ADAMTS9: variants seen among roughly 807,000 people sequenced by gnomAD.
ADAMTS9 encodes A disintegrin and metalloproteinase with thrombospondin motifs 9.
In ADAMTS9, 107 loss-of-function variants were observed where a neutral mutation model predicts 257.1. That is an observed-to-expected ratio of 0.42 (90% CI 0.36 to 0.49). The LOEUF (loss-of-function observed/expected upper bound fraction) is 0.49, where lower values mean the gene tolerates loss of function less well. ADAMTS9 is among the 20% of genes least tolerant of loss of function. The pLI is 0.03. For synonymous variants in ADAMTS9, 982 were observed against 880.9 expected, an observed-to-expected ratio of 1.11 and a Z score of -2.03; for missense variants, 2,353 against 2,469.1, an observed-to-expected ratio of 0.95 and a Z score of 1.00.
At chr3:64,648,947 C>A (rs992029309) in intron 10 of ADAMTS9, among the ~76,000 whole-genome samples, 1 of 152,202 alleles carries the variant, frequency 6.6e-6, no homozygotes, top group South Asian at 2.1e-4. Flanking sequence ...TACTATTGTA[C>A]TTCTCAATTC....
chr3:64,648,340 A>G (rs1034842997), intron 10 of ADAMTS9, among the ~76,000 whole-genome samples: 1 of 152,176 alleles, frequency 6.6e-6, no homozygotes, highest in Admixed American at 6.5e-5. Context: ...TTTTCCTACC[A>G]GAAGTGACCA....
intron 19 of ADAMTS9, among the ~76,000 whole-genome samples, chr3:64,620,584 A>G (rs1700080300): frequency 6.6e-6 from 1 of 152,162 alleles, no homozygotes; most frequent in African/African-American, 2.4e-5. Flanking sequence ...CCTGCCTCGG[A>G]TTTTACACTT....
At chr3:64,620,472 G>A (rs1296087563) in intron 19 of ADAMTS9, among the ~76,000 whole-genome samples, 2 of 150,602 alleles carry the variant, frequency 1.3e-5, no homozygotes, top group African/African-American at 2.5e-5. Flanking sequence ...CTGTCATGCA[G>A]AGTATAAAAT....
In ADAMTS9 at chr3:64,648,059, G is replaced by T; in HGVS notation, c.1606-15C>A. On this transcript the variant is annotated splice_polypyrimidine_tract_variant and intron_variant, in intron 10 of 39. Coordinates refer to ENST00000498707, the MANE Select transcript of ADAMTS9 (RefSeq NM_182920.2). ...CTGCACTGCATCTGCTCAATTCAAT[G>T]AAATGGCAATTGAGTGACAAGTGAT... The T allele has an allele frequency of 6.3e-7, 1 of 1,595,164 alleles. No homozygotes were observed.
Position 64,541,356 on chromosome 3 carries a change from C to G in ADAMTS9, c.5351G>C (p.Gly1784Ala). ...AACCTCGGAGAAATTCTCAGAGTCTCCATGCACCAGTGTCACGTACTCTTT... is the reference window on the plus strand; with the variant it reads ...AACCTCGGAGAAATTCTCAGAGTCTGCATGCACCAGTGTCACGTACTCTTT... Reference protein sequence around the residue: ...HPKEYVTLVHGDSENFSEVYG... With the variant: ...HPKEYVTLVHADSENFSEVYG... The change falls in exon 35 of 40, where the codon GGA becomes GCA. Residue 1784 changes from glycine to alanine, a missense_variant. Gly to Ala is a moderately conservative substitution (Grantham distance 60). Around this residue, in one of 3 missense-constraint regions of ADAMTS9, gnomAD observed 1,402 missense variants for 1,441.4 expected, o/e 0.97. Transcript: ENST00000498707. 1 of 1,614,164 alleles carries G rather than the reference C, an allele frequency of 6.2e-7. No individual in the cohort carries two copies. The highest frequency in any genetic ancestry group is 1.1e-5 in the South Asian group (1 of 91,084).
chr3:64,601,685 G>T (rs2084464361), intron 26 of ADAMTS9, among the ~76,000 whole-genome samples: 1 of 152,128 alleles, frequency 6.6e-6, no homozygotes, highest in African/African-American at 2.4e-5. Context: ...GGTACCTCCA[G>T]GAGGCCATGT....
chr3:64,537,604 G>A (rs1289078028), intron 37 of ADAMTS9, among the ~76,000 whole-genome samples: 1 of 152,172 alleles, frequency 6.6e-6, no homozygotes, highest in Non-Finnish European at 1.5e-5. Flanking sequence ...TTAAAACAAC[G>A]TTCAGATGTG....
intron 30 of ADAMTS9, among the ~76,000 whole-genome samples, chr3:64,551,725 G>A (rs181924440): frequency 3.5e-4 from 54 of 152,320 alleles, no homozygotes; most frequent in Middle Eastern, 3.4e-3. Flanking sequence ...TCCAGGATCA[G>A]GGACATCAGT....
intron 6 of ADAMTS9, among the ~76,000 whole-genome samples, chr3:64,654,835 G>A (rs770540359): frequency 6.6e-6 from 1 of 152,108 alleles, no homozygotes; most frequent in Non-Finnish European, 1.5e-5. Context: ...CTGTGGTCAG[G>A]GCGGTCACAG....
At chr3:64,625,368 C>T (rs964851705) in intron 16 of ADAMTS9, among the ~76,000 whole-genome samples, 2 of 152,158 alleles carry the variant, frequency 1.3e-5, no homozygotes, top group Non-Finnish European at 2.9e-5. Flanking sequence ...TTTCACCACT[C>T]AGGAGAGAAG....
intron 12 of ADAMTS9, among the ~76,000 whole-genome samples, chr3:64,636,618 T>A (rs1700502532): frequency 6.6e-6 from 1 of 152,206 alleles, no homozygotes; most frequent in Non-Finnish European, 1.5e-5. Flanking sequence ...CCGCCATTGA[T>A]TTTTGCATGG....
intron 28 of ADAMTS9, among the ~76,000 whole-genome samples, chr3:64,591,755 T>C (rs2084262439): frequency 6.6e-6 from 1 of 152,292 alleles, no homozygotes; most frequent in Middle Eastern, 3.4e-3. Flanking sequence ...AGAAGGCTAA[T>C]TCACACAGCA....
chr3:64,641,828 T>C lies in ADAMTS9; in HGVS notation c.1856+20A>G, dbSNP rs377078923. On this transcript the variant is annotated intron_variant, in intron 12 of 39. Coordinates refer to ENST00000498707, the MANE Select transcript of ADAMTS9 (RefSeq NM_182920.2). Reference sequence around the variant, plus strand: ...GTTCCTGCCACGGCAGTAATAACAGTTATACATTCTAGGACTTACTCTGGT... The same window carrying C: ...GTTCCTGCCACGGCAGTAATAACAGCTATACATTCTAGGACTTACTCTGGT... 6.2e-5 allele frequency: 100 copies of C among 1,613,430 alleles called. No homozygotes were observed. The African/African-American group carries it at 1.1e-3, about 18-fold the overall frequency.
At chr3:64,597,438 C>A (rs1220713527) in intron 26 of ADAMTS9, among the ~76,000 whole-genome samples, 2 of 152,130 alleles carry the variant, frequency 1.3e-5, no homozygotes, top group East Asian at 1.9e-4. Flanking sequence ...TAATGAATTG[C>A]CAGTTGTAGA....
intron 3 of ADAMTS9, among the ~76,000 whole-genome samples, chr3:64,661,313 G>C (rs35386077): frequency 6.6e-6 from 1 of 151,792 alleles, no homozygotes; most frequent in Non-Finnish European, 1.5e-5. Context: ...ACATATATGA[G>C]CTTTCAATAT....
chr3:64,653,583 T>C (rs959406445), intron 8 of ADAMTS9, among the ~76,000 whole-genome samples: 3 of 152,206 alleles, frequency 2.0e-5, no homozygotes, highest in African/African-American at 7.2e-5. Flanking sequence ...ATGTTAGCTC[T>C]AAGTAAAGTT....
intron 6 of ADAMTS9, 123 bp from the exon 7 acceptor site, chr3:64,654,735 C>T (rs1701020543): frequency 3.8e-6 from 4 of 1,048,718 alleles, no homozygotes; most frequent in Admixed American, 2.5e-5. Context: ...TTAAAAAAAG[C>T]AAATTCATAA....
Position 64,613,379 on chromosome 3 carries a change from T to G in ADAMTS9, c.3320A>C (p.Glu1107Ala), listed in dbSNP as rs1206397855. ...PTSMQTCQQP[E>A]CASWQAGPWG... is the part of the protein sequence containing the mutation. The stretch of plus-strand genomic sequence containing the variant: ...GGGACCCGCCTGCCAGGATGCACAT[T>G]CCGGCTGCTGACAAGTCTGCATAGA... The change falls in exon 22 of 40, where the codon GAA becomes GCA. Residue 1107 changes from glutamate (E) to alanine (A), a missense_variant. Glu to Ala is a moderately radical substitution (Grantham distance 107, BLOSUM62 -1). This residue lies in a region of ADAMTS9 where 1,402 missense variants were observed against 1,441.4 expected (regional missense o/e 0.97). Coordinates refer to ENST00000498707, the MANE Select transcript of ADAMTS9 (RefSeq NM_182920.2). 3 of 1,613,848 alleles carry G rather than the reference T, an allele frequency of 1.9e-6. No individual in the cohort carries two copies. The African/African-American group carries it at 4.0e-5, about 22-fold the overall frequency.
Position 64,539,222 on chromosome 3 carries a change from C to G in ADAMTS9, c.5594G>C (p.Ser1865Thr). Residue 1865 changes from serine (S) to threonine (T), a missense_variant, in exon 37 of 40, where the codon AGC (serine) becomes ACC (threonine). Physicochemically the swap from Ser to Thr is moderately conservative, Grantham distance 58. Coordinates refer to ENST00000498707, the MANE Select transcript of ADAMTS9 (RefSeq NM_182920.2). ...VPFATAGDCY[S>T]AAKCPQGRFS... ...ACATACCTGTGGGCACTTGGCAGCG[C>G]TGTAGCAATCCCCGGCTGTGGCAAA... is the stretch of plus-strand genomic sequence containing the variant. 6.2e-7 allele frequency: 1 copy of G among 1,613,982 alleles called. No homozygotes were observed. The highest frequency in any genetic ancestry group is 1.7e-5 in the Admixed American group (1 of 60,020).
Sources: gnomAD v4.1 joint callset for allele counts (sites outside exome capture counted in the v4.1 genomes callset) on GRCh38, gnomAD v4.1.1 for gene constraint, gnomAD v4.1.1 regional missense constraint, MANE v1.5 for transcripts, NCBI Gene and HGNC (gene_info 2026-07-23, HGNC 2026-07-21) for gene names.